VAV3: variants seen among roughly 807,000 people sequenced by gnomAD.
The protein encoded by VAV3 is vav guanine nucleotide exchange factor 3, also known as guanine nucleotide exchange factor VAV3.
A neutral mutation model predicts 131.2 loss-of-function variants in VAV3; 94 were observed. The observed-to-expected ratio is 0.72, with a 90% CI of 0.61 to 0.85. The LOEUF (loss-of-function observed/expected upper bound fraction) is 0.85. VAV3 is among the 40% of genes least tolerant of loss of function. VAV3 has a pLI of 0.00. For missense variants in VAV3, 939 were observed against 1,002.7 expected (o/e 0.94, Z 0.86); for synonymous variants, 349 against 342.0 (o/e 1.02, Z -0.22).
At chr1:107,670,001 T>C (rs928486348) in intron 19 of VAV3, among the ~76,000 whole-genome samples, 1 of 152,240 alleles carries the variant, frequency 6.6e-6, no homozygotes, top group Non-Finnish European at 1.5e-5. Flanking sequence ...TTGTATGCCA[T>C]GGCTAGGTTC....
chr1:107,704,847 C>G (rs1311495041), intron 16 of VAV3, 113 bp downstream of exon 16: 3 of 1,205,422 alleles, frequency 2.5e-6, no homozygotes, highest in Non-Finnish European at 3.6e-6. Context: ...ATCCAGACTG[C>G]TAAGGCAAAT....
At chr1:107,621,120 C>G (rs1653569435) in intron 20 of VAV3, among the ~76,000 whole-genome samples, 1 of 148,844 alleles carries the variant, frequency 6.7e-6, no homozygotes, top group Admixed American at 6.7e-5. Context: ...TTAAAGGACA[C>G]TCTTGGAGGT....
chr1:107,911,303 T>C lies in VAV3; in HGVS notation c.205-36286A>G, dbSNP rs557074779. ...TGTATTGTATTCCTTTGTTTTTTCT[T>C]TCTTATGAGCTATGTATAAAACATA... On this transcript the variant is annotated intron_variant, in intron 1 of 26. Transcript: ENST00000370056. Among the ~76,000 whole-genome samples the C allele has an allele frequency of 5.9e-5, 9 of 152,366 alleles. No individual in the cohort carries two copies. In the South Asian group the frequency reaches 8.3e-4, roughly 14 times the overall value.
intron 1 of VAV3, among the ~76,000 whole-genome samples, chr1:107,959,698 C>T (rs1674987826): frequency 6.6e-6 from 1 of 152,110 alleles, no homozygotes; most frequent in Non-Finnish European, 1.5e-5. Flanking sequence ...TGTGTGGTAT[C>T]ACCCAGTCTC....
intron 20 of VAV3, among the ~76,000 whole-genome samples, chr1:107,637,986 G>A (rs920401985): frequency 2.6e-5 from 4 of 152,174 alleles, no homozygotes; most frequent in African/African-American, 7.2e-5. Flanking sequence ...GGATGCAGAA[G>A]AGCATTTGAG....
chr1:107,696,269 A>T (rs187634573), intron 17 of VAV3, among the ~76,000 whole-genome samples: 3 of 152,356 alleles, frequency 2.0e-5, no homozygotes, highest in Non-Finnish European at 4.4e-5. Flanking sequence ...CATATCTATC[A>T]CCTCAAACAT....
At chr1:107,616,446 G>T (rs1557706092) in intron 21 of VAV3, among the ~76,000 whole-genome samples, 1 of 152,134 alleles carries the variant, frequency 6.6e-6, no homozygotes, top group Non-Finnish European at 1.5e-5. Context: ...AGGGTGGAAG[G>T]TGGGAGGAGG....
intron 1 of VAV3, among the ~76,000 whole-genome samples, chr1:107,949,432 T>C (rs1674428640): frequency 1.3e-5 from 2 of 152,148 alleles, no homozygotes; most frequent in South Asian, 4.1e-4. Context: ...CACGTCAGCC[T>C]CCCAAGTTGC....
chr1:107,652,507 T>C (rs1413588762), intron 19 of VAV3, among the ~76,000 whole-genome samples: 1 of 152,156 alleles, frequency 6.6e-6, no homozygotes, highest in Non-Finnish European at 1.5e-5. Context: ...AACTCTCTCT[T>C]GGGGTCTGGA....
Position 107,748,953 on chromosome 1 carries a change from A to C in VAV3, c.1502+15T>G. ...TAGTAAAAATAAAAGCACTTTTAAAAATAGAAATACTCACAAAGCCATTTC... is the reference window on the plus strand; with the variant it reads ...TAGTAAAAATAAAAGCACTTTTAAACATAGAAATACTCACAAAGCCATTTC... On this transcript the variant is annotated intron_variant, in intron 15 of 26. Coordinates refer to ENST00000370056, the MANE Select transcript of VAV3 (RefSeq NM_006113.5). 6.5e-7 allele frequency: 1 copy of C among 1,547,224 alleles called. No individual in the cohort carries two copies. The highest frequency in any genetic ancestry group is 8.8e-7 in the Non-Finnish European group (1 of 1,136,844).
At chr1:107,632,037 C>G (rs1654538344) in intron 20 of VAV3, among the ~76,000 whole-genome samples, 1 of 152,022 alleles carries the variant, frequency 6.6e-6, no homozygotes, top group African/African-American at 2.4e-5. Flanking sequence ...GTTCTAGATC[C>G]CTGAGGAATC....
chr1:107,849,825 C>T (rs1669138107), intron 2 of VAV3, among the ~76,000 whole-genome samples: 1 of 152,158 alleles, frequency 6.6e-6, no homozygotes, highest in African/African-American at 2.4e-5. Context: ...ATCCATCTGA[C>T]AAAGGGCTAA....
intron 1 of VAV3, among the ~76,000 whole-genome samples, chr1:107,927,982 T>C (rs985045588): frequency 4.6e-5 from 7 of 152,100 alleles, no homozygotes; most frequent in South Asian, 2.1e-4. Flanking sequence ...CCCAGTGCTA[T>C]ACTGGCTTCA....
At chr1:107,573,407 C>T (rs1159975111) in intron 26 of VAV3, 35 bp from the exon 27 acceptor site, 1 of 1,613,060 alleles carries the variant, frequency 6.2e-7, no homozygotes, top group South Asian at 1.1e-5. Flanking sequence ...AGCAACATGA[C>T]TTTGTATCTG....
At chr1:107,781,085 C>T (rs1297978602) in intron 2 of VAV3, among the ~76,000 whole-genome samples, 1 of 151,528 alleles carries the variant, frequency 6.6e-6, no homozygotes, top group Non-Finnish European at 1.5e-5. Context: ...GAACTGGTAC[C>T]ATATATATAT....
chr1:107,697,176 G>C (rs549335650), intron 17 of VAV3, among the ~76,000 whole-genome samples: 1 of 152,150 alleles, frequency 6.6e-6, no homozygotes, highest in Admixed American at 6.5e-5. Flanking sequence ...GAAGGTACAG[G>C]CTACTGATGG....
chr1:107,734,993 T>A (rs1050558748), intron 15 of VAV3, among the ~76,000 whole-genome samples: 5 of 152,074 alleles, frequency 3.3e-5, no homozygotes, highest in African/African-American at 1.2e-4. Context: ...AGAACAGAAA[T>A]CACAACAAAC....
intron 2 of VAV3, among the ~76,000 whole-genome samples, chr1:107,784,041 C>T (rs1200872014): frequency 6.8e-6 from 1 of 147,904 alleles, no homozygotes; most frequent in African/African-American, 2.5e-5. Context: ...GCCTGGGTGA[C>T]AGAGCAAGAC....
intron 1 of VAV3, among the ~76,000 whole-genome samples, chr1:107,875,606 G>A (rs142629830): frequency 6.6e-6 from 1 of 152,254 alleles, no homozygotes; most frequent in East Asian, 1.9e-4. Flanking sequence ...GAGGAAAGAT[G>A]GAAAGCTAGT....
Sources: gnomAD v4.1 joint callset for allele counts (sites outside exome capture counted in the v4.1 genomes callset) on GRCh38, gnomAD v4.1.1 for gene constraint, MANE v1.5 for transcripts, NCBI Gene and HGNC (gene_info 2026-07-23, HGNC 2026-07-21) for gene names.